The following PTPRG variants were observed in gnomAD, a reference collection of about 807,000 sequenced individuals.
PTPRG encodes receptor-type tyrosine-protein phosphatase gamma.
Under a neutral mutation model 165.3 loss-of-function variants are expected in PTPRG, and 102 were observed. That is an observed-to-expected ratio of 0.62 (90% CI 0.53 to 0.73). PTPRG has a LOEUF of 0.73. Among genes scored for constraint, PTPRG ranks in the 30% least tolerant of loss-of-function variants. The probability of loss-of-function intolerance (pLI) is 0.00; values close to 1 mark genes in which losing one functional copy is unlikely to be tolerated. For synonymous variants in PTPRG, 675 were observed against 669.5 expected (o/e 1.01, Z -0.13); for missense variants, 1,866 against 1,861.4 (o/e 1.00, Z -0.05).
intron 2 of PTPRG, among the ~76,000 whole-genome samples, chr3:61,920,728 C>T (rs1345317036): frequency 1.3e-5 from 2 of 152,246 alleles, no homozygotes; most frequent in Non-Finnish European, 2.9e-5. Context: ...TTTAGGTCCA[C>T]AGCAAAATTG....
intron 12 of PTPRG, among the ~76,000 whole-genome samples, chr3:62,204,235 A>T (rs1157758728): frequency 6.6e-6 from 1 of 152,132 alleles, no homozygotes; most frequent in Admixed American, 6.6e-5. Flanking sequence ...ATACATGAAT[A>T]AAAAAAGCCA....
At chr3:61,638,591 G>GT (rs34396141) in intron 1 of PTPRG, among the ~76,000 whole-genome samples, 1,811 of 58,738 alleles carry the variant, frequency 0.031, 282 homozygotes, top group African/African-American at 0.11. Flanking sequence ...TGCCTGGCTA[G>GT]TTTTTTTTTT....
chr3:61,659,324 C>T (rs1331473716), intron 1 of PTPRG: 1 of 985,214 alleles, frequency 1.0e-6, no homozygotes, highest in African/African-American at 1.7e-5. Context: ...AACAGTGCTG[C>T]TCAGTTGAGG....
At chr3:61,971,699 G>A (rs77766045) in intron 2 of PTPRG, among the ~76,000 whole-genome samples, 1 of 152,194 alleles carries the variant, frequency 6.6e-6, no homozygotes, top group Non-Finnish European at 1.5e-5. Context: ...GGATCATTTG[G>A]TGTGATGGAA....
intron 2 of PTPRG, among the ~76,000 whole-genome samples, chr3:61,864,898 C>A (rs1413539056): frequency 6.6e-6 from 1 of 152,148 alleles, no homozygotes; most frequent in Non-Finnish European, 1.5e-5. Flanking sequence ...TTAAATGGTC[C>A]AGGGGAAGCT....
At chr3:61,949,684 A>T (rs1469114831) in intron 2 of PTPRG, among the ~76,000 whole-genome samples, 1 of 150,990 alleles carries the variant, frequency 6.6e-6, no homozygotes, top group Non-Finnish European at 1.5e-5. Flanking sequence ...TCCCCTTCCT[A>T]AGCCTTTGGG....
At chr3:61,989,530 A>G in intron 2 of PTPRG, 95 bp from the exon 3 acceptor site, 3 of 1,159,918 alleles carry the variant, frequency 2.6e-6, no homozygotes, top group South Asian at 3.5e-5. Flanking sequence ...GATTGGGGAC[A>G]TGTTGAGAGA....
intron 2 of PTPRG, among the ~76,000 whole-genome samples, chr3:61,929,711 G>A (rs985006946): frequency 6.6e-5 from 10 of 152,214 alleles, no homozygotes; most frequent in Admixed American, 2.0e-4. Context: ...CTTCAGAGTC[G>A]GTGTAGATGT....
At chr3:62,143,147 G>A (rs911055197) in intron 6 of PTPRG, among the ~76,000 whole-genome samples, 1 of 152,104 alleles carries the variant, frequency 6.6e-6, no homozygotes, top group Non-Finnish European at 1.5e-5. Context: ...TTGTTGAAGG[G>A]GCAAGTGAAG....
At chr3:61,774,652 T>A (rs974202763) in intron 2 of PTPRG, among the ~76,000 whole-genome samples, 1 of 152,194 alleles carries the variant, frequency 6.6e-6, no homozygotes, top group Admixed American at 6.5e-5. Flanking sequence ...AAGTTAAAAT[T>A]ATTGTTTTAT....
At chr3:62,283,027 G>C (rs1411175213) in intron 28 of PTPRG, among the ~76,000 whole-genome samples, 158 bp downstream of exon 28, 1 of 152,048 alleles carries the variant, frequency 6.6e-6, no homozygotes, top group African/African-American at 2.4e-5. Context: ...ACAAAGTGTT[G>C]TTGCTCTGTT....
chr3:61,593,573 A>G (rs1393759592), intron 1 of PTPRG, among the ~76,000 whole-genome samples: 1 of 152,108 alleles, frequency 6.6e-6, no homozygotes, highest in African/African-American at 2.4e-5. Flanking sequence ...GGTTTCAAAA[A>G]TTGGAGATGA....
chr3:61,742,669 T>C, intron 1 of PTPRG: 2 of 1,605,264 alleles, frequency 1.2e-6, no homozygotes, highest in Middle Eastern at 1.7e-4. Context: ...CTCACCCACT[T>C]TGGCCACCAT....
At chr3:61,962,936 C>T (rs949921443) in intron 2 of PTPRG, among the ~76,000 whole-genome samples, 2 of 152,062 alleles carry the variant, frequency 1.3e-5, no homozygotes, top group Middle Eastern at 3.2e-3. Flanking sequence ...AATACATGTA[C>T]AGCATTTGAA....
intron 1 of PTPRG, among the ~76,000 whole-genome samples, chr3:61,656,021 C>T (rs1702499388): frequency 6.7e-6 from 1 of 150,288 alleles, no homozygotes; most frequent in Non-Finnish European, 1.5e-5. Flanking sequence ...TTGATACCAA[C>T]GTGGGCAACA....
intron 1 of PTPRG, among the ~76,000 whole-genome samples, chr3:61,638,274 GT>G (rs36047655): frequency 1.8e-4 from 27 of 150,088 alleles, no homozygotes; most frequent in African/African-American, 4.9e-4. Context: ...TTTGTATGTA[GT>G]TTTTTTTTTC....
chr3:61,873,651 T>A (rs1351145572), intron 2 of PTPRG, among the ~76,000 whole-genome samples: 1 of 152,214 alleles, frequency 6.6e-6, no homozygotes, highest in African/African-American at 2.4e-5. Flanking sequence ...AAATTGGTAA[T>A]GTGTGGAATT....
In PTPRG at chr3:62,273,744, G is replaced by T. The variant is rs1284342952; in HGVS notation, c.3365G>T (p.Gly1122Val). 6.2e-7 allele frequency: 1 copy of T among 1,613,626 alleles called. No homozygotes were observed. Residue 1122 changes from glycine (G) to valine (V), a missense_variant, in exon 23 of 30, where the codon GGA becomes GTA. By Grantham distance (109) the Gly-to-Val change is moderately radical. This residue lies in a region of PTPRG where 1,452 missense variants were observed against 1,463.0 expected (regional missense o/e 0.99). Coordinates refer to ENST00000474889, the MANE Select transcript of PTPRG (RefSeq NM_002841.4). This position sits in a 1 kb window ranked among gnomAD's most constrained non-coding sequence, Gnocchi z 4.1. ...IHDALLEAIL[G>V]KETEVSSNQL... Reference sequence around the variant, plus strand: ...GATGCCTTGTTGGAAGCCATTCTTGGAAAGGAGACTGAAGTATCTTCAAAT... The same window carrying T: ...GATGCCTTGTTGGAAGCCATTCTTGTAAAGGAGACTGAAGTATCTTCAAAT...
At chr3:61,835,364 T>C (rs1006615329) in intron 2 of PTPRG, among the ~76,000 whole-genome samples, 1 of 152,014 alleles carries the variant, frequency 6.6e-6, no homozygotes, top group Non-Finnish European at 1.5e-5. Context: ...TCATTCCTAC[T>C]CCCCCCTTCC....
Sources: allele counts gnomAD v4.1 joint callset (sites outside exome capture counted in the v4.1 genomes callset), GRCh38; gene constraint gnomAD v4.1.1; regional missense constraint gnomAD v4.1.1; non-coding constraint Gnocchi (gnomAD v3.1); transcripts MANE v1.5; gene names NCBI Gene and HGNC (gene_info 2026-07-23, HGNC 2026-07-21).